Variants in MRPL45 observed in about 807,000 individuals in gnomAD.
The protein encoded by MRPL45 is large ribosomal subunit protein mL45.
In MRPL45, 20 loss-of-function variants were observed where a neutral mutation model predicts 38.1. The observed-to-expected ratio is 0.53, with a 90% CI of 0.37 to 0.76. The LOEUF is 0.76. MRPL45 is among the 30% of genes least tolerant of loss of function. The pLI, the probability that MRPL45 is intolerant of heterozygous loss-of-function variation, is 0.00. For synonymous variants in MRPL45, 105 were observed against 128.8 expected (o/e 0.82, Z 1.25); for missense variants, 337 against 395.6 (o/e 0.85, Z 1.26).
intron 3 of MRPL45, among the ~76,000 whole-genome samples, chr17:38,305,456 G>A (rs1245701349): frequency 6.9e-6 from 1 of 144,842 alleles, no homozygotes; most frequent in Non-Finnish European, 1.5e-5. Flanking sequence ...GACGGAGTGC[G>A]AGACTCTGTC....
intron 4 of MRPL45, among the ~76,000 whole-genome samples, chr17:38,315,842 G>A (rs1372530767): frequency 6.6e-6 from 1 of 150,644 alleles, no homozygotes; most frequent in Non-Finnish European, 1.5e-5. Context: ...GCCCGATCTC[G>A]GCTCATTGCA....
chr17:38,300,894 C>G (rs150715390), intron 3 of MRPL45, among the ~76,000 whole-genome samples: 3,936 of 152,096 alleles, frequency 0.026, 159 homozygotes, highest in African/African-American at 0.091. Context: ...TGCGGTGAGC[C>G]GAGATCGTGC....
chr17:38,319,114 C>T (rs1199542773), intron 5 of MRPL45, among the ~76,000 whole-genome samples: 1 of 151,820 alleles, frequency 6.6e-6, no homozygotes, highest in African/African-American at 2.4e-5. Flanking sequence ...CGGCTCACTG[C>T]AAGCTCCGCC....
chr17:38,305,724 C>T (rs570911135), intron 3 of MRPL45, among the ~76,000 whole-genome samples: 35 of 149,580 alleles, frequency 2.3e-4, no homozygotes, highest in African/African-American at 8.6e-4. Flanking sequence ...CTCACTGCAA[C>T]CTCTGCCTCC....
At position 38,322,216 on chromosome 17, in the gene MRPL45, C is replaced by T. The variant is rs756420599; in HGVS notation, c.751C>T (p.Gln251Ter). ...DVLEYVVFEK[Q>*]LTNPYGSWRM... is the part of the protein sequence containing the mutation. The stretch of plus-strand genomic sequence containing the variant: ...CCTGGAGTATGTTGTATTCGAAAAG[C>T]AGTTGACAAACCCCTATGGAAGCTG... Residue 251 changes from glutamine (Q) to a stop codon, truncating the protein, a stop_gained, in exon 7 of 8, where the codon CAG (glutamine) becomes TAG (stop). Coordinates refer to ENST00000613675, the MANE Select transcript of MRPL45 (RefSeq NM_032351.6). LOFTEE classifies it high-confidence loss of function. 1.2e-6 allele frequency: 2 copies of T among 1,614,114 alleles called. No individual in the cohort carries two copies. Among genetic ancestry groups the T allele is most frequent in the South Asian group, 2.2e-5 (2 of 91,074 alleles).
At chr17:38,316,215 T>G (rs1452051381) in intron 4 of MRPL45, among the ~76,000 whole-genome samples, 1 of 152,206 alleles carries the variant, frequency 6.6e-6, no homozygotes, top group Non-Finnish European at 1.5e-5. Flanking sequence ...TTTTTCTCTT[T>G]GCATTTTAGA....
intron 3 of MRPL45, among the ~76,000 whole-genome samples, chr17:38,301,746 A>G (rs890298917): frequency 8.5e-5 from 13 of 152,190 alleles, no homozygotes; most frequent in African/African-American, 3.1e-4. Flanking sequence ...CTAGGGGAGG[A>G]AAACAGTCAT....
chr17:38,300,174 C>T (rs140611301), intron 3 of MRPL45, among the ~76,000 whole-genome samples: 7 of 152,000 alleles, frequency 4.6e-5, no homozygotes, highest in South Asian at 2.1e-4. Flanking sequence ...CATGCCACCA[C>T]GCCCAGCTAA....
At position 38,322,862 on chromosome 17, in the gene MRPL45, T is replaced by C. The variant is rs191016452; in HGVS notation, c.*267T>C. 104 of 424,928 alleles carry C rather than the reference T, an allele frequency of 2.4e-4. No individual in the cohort carries two copies. Among genetic ancestry groups the C allele is most frequent in the African/African-American group, 9.6e-4 (48 of 50,234 alleles). 26.3% of individuals were successfully genotyped at this position (424,928 alleles called of 1,614,324 possible). On this transcript the variant is annotated 3_prime_UTR_variant, in exon 8 of 8. Coordinates refer to ENST00000613675, the MANE Select transcript of MRPL45 (RefSeq NM_032351.6). Reference sequence around the variant, plus strand: ...GAAAGACAGTATGTTTCAGAGAACATTGGATATCAGTTTTTCCCACAGCAG... The same window carrying C: ...GAAAGACAGTATGTTTCAGAGAACACTGGATATCAGTTTTTCCCACAGCAG...
intron 4 of MRPL45, among the ~76,000 whole-genome samples, chr17:38,313,484 A>G (rs2037145499): frequency 6.8e-6 from 1 of 146,708 alleles, no homozygotes; most frequent in African/African-American, 2.6e-5. Flanking sequence ...GGCCTCCCAA[A>G]ATGCTAGGAC....
At position 38,322,524 on chromosome 17, in the gene MRPL45, G is replaced by C; in HGVS notation, c.850G>C (p.Gly284Arg). Residue 284 changes from glycine to arginine, a missense_variant, in exon 8 of 8, where the codon GGC (glycine) becomes CGC (arginine). This residue lies in a region of MRPL45 where 251 missense variants were observed against 269.1 expected (regional missense o/e 0.93). Transcript: ENST00000613675. ...QPILKTVMIP[G>R]PQLKPEEEYE... ...ACTCTTTCAGACGGTGATGATCCCT[G>C]GCCCTCAGCTGAAACCAGAAGAAGA... The C allele has an allele frequency of 6.2e-7, 1 of 1,613,528 alleles. No individual in the cohort carries two copies. Among genetic ancestry groups the C allele is most frequent in the South Asian group, 1.1e-5 (1 of 90,992 alleles).
intron 4 of MRPL45, among the ~76,000 whole-genome samples, chr17:38,310,660 C>T (rs1217446765): frequency 6.6e-6 from 1 of 152,080 alleles, no homozygotes; most frequent in Admixed American, 6.6e-5. Context: ...GGCTCTTGCG[C>T]TGTCACTCAG....
chr17:38,307,139 C>G (rs1223723367), intron 4 of MRPL45, among the ~76,000 whole-genome samples: 1 of 151,918 alleles, frequency 6.6e-6, no homozygotes, highest in South Asian at 2.1e-4. Context: ...GTTCAAGCAA[C>G]TCCCCTGCCT....
chr17:38,321,606 G>T (rs927597572), intron 6 of MRPL45, among the ~76,000 whole-genome samples: 4 of 151,970 alleles, frequency 2.6e-5, no homozygotes, highest in African/African-American at 7.3e-5. Flanking sequence ...CAGGAGAATC[G>T]CTTGAACCTG....
intron 3 of MRPL45, among the ~76,000 whole-genome samples, chr17:38,300,620 T>A (rs1275650521): frequency 1.3e-5 from 2 of 152,172 alleles, no homozygotes; most frequent in Non-Finnish European, 2.9e-5. Flanking sequence ...TCAGTATGAA[T>A]TCTTCACATG....
At chr17:38,306,395 C>T (rs1597648282) in intron 3 of MRPL45, 138 bp from the exon 4 acceptor site, 14 of 904,790 alleles carry the variant, frequency 1.5e-5, no homozygotes, top group Non-Finnish European at 2.0e-5. Context: ...GGTGACAGAG[C>T]GAGACTCAAA....
chr17:38,313,344 A>G (rs1207775416), intron 4 of MRPL45, among the ~76,000 whole-genome samples: 2 of 19,478 alleles, frequency 1.0e-4, no homozygotes, highest in African/African-American at 4.3e-4. Flanking sequence ...ATATATATAT[A>G]TACGTATATA....
intron 4 of MRPL45, among the ~76,000 whole-genome samples, chr17:38,310,353 G>A (rs2037099733): frequency 6.7e-6 from 1 of 149,730 alleles, no homozygotes; most frequent in South Asian, 2.1e-4. Flanking sequence ...TTTTGAGATG[G>A]AGTCTTGCTC....
chr17:38,309,180 C>G (rs951957773), intron 4 of MRPL45, among the ~76,000 whole-genome samples: 2 of 149,888 alleles, frequency 1.3e-5, no homozygotes, highest in African/African-American at 2.5e-5. Context: ...GCTGGGATTA[C>G]AGGTGTGAGC....
Sources: gnomAD v4.1 joint callset for allele counts (sites outside exome capture counted in the v4.1 genomes callset) on GRCh38, gnomAD v4.1.1 for gene constraint, gnomAD v4.1.1 regional missense constraint, MANE v1.5 for transcripts, NCBI Gene and HGNC (gene_info 2026-07-23, HGNC 2026-07-21) for gene names.